Variants in SEL1L2 observed in about 807,000 individuals in gnomAD.
The protein encoded by SEL1L2 is SEL1L2 adaptor subunit of SYVN1 ubiquitin ligase, also known as protein sel-1 homolog 2.
In SEL1L2, 89 loss-of-function variants were observed where a neutral mutation model predicts 98.8. That is an observed-to-expected ratio of 0.90 (90% CI 0.76 to 1.07). The LOEUF is 1.07. Ranked by LOEUF, SEL1L2 falls within the 50% of genes least tolerant of loss-of-function variation. SEL1L2 has a pLI of 0.00. For synonymous variants in SEL1L2, 262 were observed against 278.5 expected (o/e 0.94, Z 0.59); for missense variants, 788 against 812.0 (o/e 0.97, Z 0.36).
At chr20:13,968,630 C>T (rs374026040) in intron 1 of SEL1L2, among the ~76,000 whole-genome samples, 1 of 152,054 alleles carries the variant, frequency 6.6e-6, no homozygotes, top group Non-Finnish European at 1.5e-5. Flanking sequence ...TAGAAAGAAA[C>T]GAATTTTCTT....
At chr20:13,982,258 C>G (rs143904927) in intron 1 of SEL1L2, among the ~76,000 whole-genome samples, 84 of 152,122 alleles carry the variant, frequency 5.5e-4, no homozygotes, top group Middle Eastern at 3.4e-3. Flanking sequence ...TGCCTGTAAT[C>G]CCAGCATTTT....
chr20:13,871,444 C>A (rs908973195), intron 12 of SEL1L2, among the ~76,000 whole-genome samples: 2 of 151,896 alleles, frequency 1.3e-5, no homozygotes, highest in Admixed American at 6.6e-5. Context: ...ACTCCTTTTT[C>A]TTTCCATGTC....
upstream of SEL1L2, among the ~76,000 whole-genome samples, chr20:13,992,886 C>T (rs2052569681): frequency 6.6e-6 from 1 of 152,100 alleles, no homozygotes; most frequent in South Asian, 2.1e-4. Context: ...TATAAGGCCT[C>T]AGTCCTATTA....
intron 1 of SEL1L2, among the ~76,000 whole-genome samples, chr20:13,981,691 C>T (rs1256166826): frequency 6.6e-6 from 1 of 152,304 alleles, no homozygotes; most frequent in South Asian, 2.1e-4. Context: ...TGCTTTTTTA[C>T]TGATCCCTCA....
intron 2 of SEL1L2, among the ~76,000 whole-genome samples, chr20:13,952,499 G>A (rs1445995813): frequency 6.6e-6 from 1 of 152,154 alleles, no homozygotes; most frequent in Non-Finnish European, 1.5e-5. Flanking sequence ...TGCTTCATGG[G>A]TGCAAGCTAC....
In SEL1L2 at chr20:13,919,051, T is replaced by C. The variant is rs773201006; in HGVS notation, c.356A>G (p.Gln119Arg). ...TTTTTGTTTTTGGCTTTTAGACTGC[T>C]GGAGAACCTTGATGCCCATCTTAAA... ...QLFKMGIKVL[Q>R]QSKSQKQKEE... is the part of the protein sequence containing the mutation. The change falls in exon 4 of 20, where the codon CAG becomes CGG. Residue 119 changes from glutamine to arginine, a missense_variant. By Grantham distance (43) the Gln-to-Arg change is conservative (BLOSUM62 1). Coordinates refer to ENST00000284951, the MANE Select transcript of SEL1L2 (RefSeq NM_025229.2). 2 of 1,613,616 alleles carry C rather than the reference T, an allele frequency of 1.2e-6. No individual in the cohort carries two copies. The highest frequency in any genetic ancestry group is 1.7e-5 in the Admixed American group (1 of 59,960).
At chr20:13,901,775 C>A (rs138279723) in intron 5 of SEL1L2, among the ~76,000 whole-genome samples, 2,102 of 151,966 alleles carry the variant, frequency 0.014, 47 homozygotes, top group African/African-American at 0.047. Context: ...CATTCTCCTG[C>A]CTCAGCCTCC....
At chr20:13,867,995 G>A (rs2046005259) in intron 14 of SEL1L2, among the ~76,000 whole-genome samples, 1 of 152,034 alleles carries the variant, frequency 6.6e-6, no homozygotes, top group Non-Finnish European at 1.5e-5. Context: ...AGGACTTGGT[G>A]GGGATACTCA....
chr20:13,913,868 A>C lies in SEL1L2; in HGVS notation c.463T>G (p.Phe155Val), dbSNP rs1334264761. ...ATATTTTGCACGCCAAAATTTCCAA[A>C]TAGCAAAGCGTCAGCCATTTTCTCC... is the stretch of plus-strand genomic sequence containing the variant. ...AMEKMADALL[F>V]GNFGVQNITA... is the part of the protein sequence containing the mutation. The change falls in exon 5 of 20, where the codon TTT (phenylalanine) becomes GTT (valine). Residue 155 changes from phenylalanine (F) to valine (V), a missense_variant. Phe to Val is a conservative substitution (Grantham distance 50). Coordinates refer to ENST00000284951, the MANE Select transcript of SEL1L2 (RefSeq NM_025229.2). 1 of 1,560,914 alleles carries C rather than the reference A, an allele frequency of 6.4e-7. No homozygotes were observed. The highest frequency in any genetic ancestry group is 8.6e-7 in the Non-Finnish European group (1 of 1,161,812).
chr20:13,906,096 G>A (rs898781586), intron 5 of SEL1L2, among the ~76,000 whole-genome samples: 5 of 151,712 alleles, frequency 3.3e-5, no homozygotes, highest in Admixed American at 2.6e-4. Context: ...GGCTGGTCTC[G>A]AACTCCTGAC....
At chr20:13,951,299 A>AG (rs1352410584) in intron 2 of SEL1L2, among the ~76,000 whole-genome samples, 2 of 112,206 alleles carry the variant, frequency 1.8e-5, no homozygotes, top group Non-Finnish European at 3.7e-5. Flanking sequence ...AAAAAAAAAA[A>AG]GAAAGAAAGA....
chr20:13,890,130 A>G (rs1303363249), intron 5 of SEL1L2, among the ~76,000 whole-genome samples: 4 of 152,246 alleles, frequency 2.6e-5, no homozygotes, highest in Non-Finnish European at 5.9e-5. Flanking sequence ...CCCTCAAGCC[A>G]GCACAGCTTG....
At chr20:13,874,188 T>TA (rs1177768895) in intron 12 of SEL1L2, among the ~76,000 whole-genome samples, 1 of 152,186 alleles carries the variant, frequency 6.6e-6, no homozygotes, top group Non-Finnish European at 1.5e-5. Flanking sequence ...CAACGTCACA[T>TA]ACAGTCACTG....
intron 2 of SEL1L2, among the ~76,000 whole-genome samples, chr20:13,951,308 G>T (rs6042453): frequency 0.011 from 1,254 of 115,346 alleles, 12 homozygotes; most frequent in Admixed American, 0.021. Flanking sequence ...AAGAAAGAAA[G>T]AAAGAAAATA....
At chr20:13,854,865 A>AAG in intron 18 of SEL1L2, among the ~76,000 whole-genome samples, 1 of 152,222 alleles carries the variant, frequency 6.6e-6, no homozygotes, top group East Asian at 1.9e-4. Flanking sequence ...CATCCTGGCC[A>AAG]ACATGGTGAA....
intron 2 of SEL1L2, among the ~76,000 whole-genome samples, chr20:13,940,021 C>T (rs958459334): frequency 1.2e-4 from 18 of 152,188 alleles, no homozygotes; most frequent in Non-Finnish European, 8.8e-5. Context: ...TCATTCAATA[C>T]ATTTATGCTA....
At chr20:13,920,227 C>CAAAAAAA (rs4052973) in intron 3 of SEL1L2, among the ~76,000 whole-genome samples, 1 of 103,156 alleles carries the variant, frequency 9.7e-6, no homozygotes, top group Non-Finnish European at 1.8e-5. Context: ...GACTCCGTCC[C>CAAAAAAA]AAAAAAAAAA....
chr20:13,922,394 A>G (rs1568974993), intron 3 of SEL1L2, among the ~76,000 whole-genome samples: 1 of 152,204 alleles, frequency 6.6e-6, no homozygotes, highest in Admixed American at 6.5e-5. Context: ...TTGCTGAGTC[A>G]TTCTTTCTTG....
rs767509919 is a variant in SEL1L2 at position 13,876,135 on chromosome 20, G to C, written c.1027-20C>G. ...ATACATCTAGGAAGAAAAATGAAAA[G>C]AGGATAGAAAAAACAAAATAATTTG... On this transcript the variant is annotated intron_variant, in intron 11 of 19. Coordinates refer to ENST00000284951, the MANE Select transcript of SEL1L2 (RefSeq NM_025229.2). 6.3e-7 allele frequency: 1 copy of C among 1,583,326 alleles called. No homozygotes were observed. Among genetic ancestry groups the C allele is most frequent in the African/African-American group, 1.3e-5 (1 of 74,294 alleles).
Sources: allele counts gnomAD v4.1 joint callset (sites outside exome capture counted in the v4.1 genomes callset), GRCh38; gene constraint gnomAD v4.1.1; transcripts MANE v1.5; gene names NCBI Gene and HGNC (gene_info 2026-07-23, HGNC 2026-07-21).